Variants in MBNL1 observed in about 807,000 individuals in gnomAD.
MBNL1 encodes muscleblind-like protein 1.
Under a neutral mutation model 42.2 loss-of-function variants are expected in MBNL1, and 8 were observed. The observed-to-expected ratio is 0.19, with a 90% CI of 0.11 to 0.34. The LOEUF (loss-of-function observed/expected upper bound fraction) is 0.34. Among genes scored for constraint, MBNL1 ranks in the 10% least tolerant of loss-of-function variants. The probability of loss-of-function intolerance (pLI) is 1.00; values close to 1 mark genes in which losing one functional copy is unlikely to be tolerated. For missense variants in MBNL1, 309 were observed against 495.3 expected, an observed-to-expected ratio of 0.62 and a Z score of 3.57; for synonymous variants, 169 against 173.9, an observed-to-expected ratio of 0.97 and a Z score of 0.22.
At chr3:152,301,130 T>C (rs1168366591) in intron 2 of MBNL1, among the ~76,000 whole-genome samples, 1 of 152,198 alleles carries the variant, frequency 6.6e-6, no homozygotes, top group Non-Finnish European at 1.5e-5. Flanking sequence ...AAAGTTAGCT[T>C]TTGTGGGCAC....
chr3:152,324,238 T>C (rs1307926890), intron 2 of MBNL1, among the ~76,000 whole-genome samples: 1 of 152,214 alleles, frequency 6.6e-6, no homozygotes, highest in African/African-American at 2.4e-5. Flanking sequence ...ACTTATTCAT[T>C]TTCATTGCCT....
At chr3:152,434,620 G>A (rs933010161) in intron 4 of MBNL1, among the ~76,000 whole-genome samples, 1 of 152,178 alleles carries the variant, frequency 6.6e-6, no homozygotes, top group South Asian at 2.1e-4. Context: ...TTGAGGAATT[G>A]CCACACTGTG....
chr3:152,297,276 T>TA (rs1274618508), intron 1 of MBNL1, among the ~76,000 whole-genome samples: 1 of 143,162 alleles, frequency 7.0e-6, no homozygotes, highest in Non-Finnish European at 1.5e-5. Flanking sequence ...TTTTTTTTTA[T>TA]AGAAACTGGC....
At chr3:152,419,714 TTTG>T (rs2098769309) in intron 3 of MBNL1, among the ~76,000 whole-genome samples, 4 of 151,342 alleles carry the variant, frequency 2.6e-5, no homozygotes, top group African/African-American at 9.7e-5. Context: ...TGTTTGTTTG[TTTG>T]TTTGTTTTCA....
rs1468702622 is a variant in MBNL1 at position 152,464,743 on chromosome 3, G to T, written c.*2377G>T. 1 of 152,582 alleles carries T rather than the reference G, an allele frequency of 6.6e-6. No individual in the cohort carries two copies. Among genetic ancestry groups the T allele is most frequent in the Non-Finnish European group, 1.5e-5 (1 of 68,014 alleles). 9.5% of individuals were successfully genotyped at this position (152,582 alleles called of 1,614,324 possible). ...ACGTAATGAAAATTATAGCGTGTGT[G>T]CAAACTCTTGAGGGTTGATTATGCT... On this transcript the variant is annotated 3_prime_UTR_variant, in exon 10 of 10. Coordinates refer to ENST00000324210, the MANE Select transcript of MBNL1 (RefSeq NM_021038.5).
chr3:152,348,494 G>A (rs1428147625), intron 2 of MBNL1, among the ~76,000 whole-genome samples: 3 of 152,068 alleles, frequency 2.0e-5, no homozygotes, highest in Non-Finnish European at 4.4e-5. Context: ...ATTTTCTCTT[G>A]TGGTAATAGG....
At chr3:152,320,992 T>A (rs932812782) in intron 2 of MBNL1, among the ~76,000 whole-genome samples, 1 of 152,114 alleles carries the variant, frequency 6.6e-6, no homozygotes, top group Non-Finnish European at 1.5e-5. Context: ...GAAAAGAGAA[T>A]CCAAGCTTCC....
At chr3:152,420,902 A>G (rs529591785) in intron 3 of MBNL1, among the ~76,000 whole-genome samples, 3 of 152,210 alleles carry the variant, frequency 2.0e-5, no homozygotes, top group Non-Finnish European at 2.9e-5. Flanking sequence ...TAACTGAATA[A>G]CCAGTTTAGA....
At chr3:152,282,084 C>G (rs2048828582) in intron 1 of MBNL1, among the ~76,000 whole-genome samples, 1 of 152,114 alleles carries the variant, frequency 6.6e-6, no homozygotes, top group Non-Finnish European at 1.5e-5. Flanking sequence ...GGGATCCATT[C>G]TCCAACTAAT....
At chr3:152,265,510 C>T (rs1425681067), upstream of MBNL1, 1 of 152,078 alleles carries the variant, frequency 6.6e-6, no homozygotes, top group Non-Finnish European at 1.5e-5. Flanking sequence ...ACAATTCACA[C>T]AGGCACTCAC....
rs968810701 is a variant in MBNL1, at chr3:152,465,416, G to A, written c.*3050G>A. The A allele has an allele frequency of 6.6e-6, 1 of 152,530 alleles. No homozygotes were observed. Among genetic ancestry groups the A allele is most frequent in the African/African-American group, 2.4e-5 (1 of 41,422 alleles). The allele number at this position is 152,530 out of a possible 1,614,324, so 9.4% of individuals were successfully genotyped here. ...CTGTAGGATCCTGTTCTTTCAGCAG[G>A]TGAAAAATAAAACGCAGTTCAAATT... On this transcript the variant is annotated 3_prime_UTR_variant, in exon 10 of 10. Coordinates refer to ENST00000324210, the MANE Select transcript of MBNL1 (RefSeq NM_021038.5).
At chr3:152,438,806 TA>T (rs1180313948) in intron 4 of MBNL1, among the ~76,000 whole-genome samples, 1 of 152,232 alleles carries the variant, frequency 6.6e-6, no homozygotes, top group Non-Finnish European at 1.5e-5. Flanking sequence ...TTGTGAAACT[TA>T]ATTAAAAATC....
At chr3:152,265,390 G>GTGTC (rs1478300517), upstream of MBNL1, 5 of 122,736 alleles carry the variant, frequency 4.1e-5, no homozygotes, top group African/African-American at 1.6e-4. Context: ...GTGTGAGAGT[G>GTGTC]TGTGTGTGTG....
At chr3:152,339,080 T>C (rs1168678832) in intron 2 of MBNL1, among the ~76,000 whole-genome samples, 2 of 152,174 alleles carry the variant, frequency 1.3e-5, no homozygotes, top group Non-Finnish European at 2.9e-5. Context: ...AAACATTTAA[T>C]GAATATATCT....
chr3:152,404,528 T>C (rs925696470), intron 2 of MBNL1, among the ~76,000 whole-genome samples: 1 of 152,070 alleles, frequency 6.6e-6, no homozygotes, highest in Admixed American at 6.6e-5. Context: ...TACTAAGTAA[T>C]GATGTTATTA....
intron 5 of MBNL1, among the ~76,000 whole-genome samples, chr3:152,447,020 A>T (rs1436112982): frequency 6.6e-6 from 1 of 152,160 alleles, no homozygotes; most frequent in African/African-American, 2.4e-5. Flanking sequence ...CTGAAGAAAT[A>T]GTCGGAGGAC....
intron 2 of MBNL1, among the ~76,000 whole-genome samples, chr3:152,400,183 A>G (rs2098152161): frequency 6.6e-6 from 1 of 152,202 alleles, no homozygotes; most frequent in South Asian, 2.1e-4. Flanking sequence ...TTACCTTTGA[A>G]CAGGCCACTG....
At chr3:152,448,767 A>G (rs375124988) in intron 6 of MBNL1, among the ~76,000 whole-genome samples, 3 of 152,182 alleles carry the variant, frequency 2.0e-5, no homozygotes, top group South Asian at 2.1e-4. Flanking sequence ...TTGATTCACA[A>G]AATAAATTAT....
chr3:152,297,336 G>A lies in MBNL1; in HGVS notation c.-789-2069G>A, dbSNP rs114204257. On this transcript the variant is annotated intron_variant, in intron 1 of 9. Transcript: ENST00000324210. Reference sequence around the variant, plus strand: ...AAACCAAAATATTTCTTGAACACTGGGGATGAGGTTTTTTTTTTTTTTTTT... The same window carrying A: ...AAACCAAAATATTTCTTGAACACTGAGGATGAGGTTTTTTTTTTTTTTTTT... Among the ~76,000 whole-genome samples the A allele has an allele frequency of 4.6e-3, 689 of 149,074 alleles. 5 individuals are homozygous for A. Among genetic ancestry groups the A allele is most frequent in the African/African-American group, 0.016 (666 of 40,426 alleles).
Sources: allele counts gnomAD v4.1 joint callset (sites outside exome capture counted in the v4.1 genomes callset), GRCh38; gene constraint gnomAD v4.1.1; transcripts MANE v1.5; gene names NCBI Gene and HGNC (gene_info 2026-07-23, HGNC 2026-07-21).